DBH: variants seen among roughly 807,000 people sequenced by gnomAD.
The protein encoded by DBH is dopamine beta-hydroxylase (dopamine beta-monooxygenase).
A neutral mutation model predicts 64.0 loss-of-function variants in DBH; 49 were observed. That is an observed-to-expected ratio of 0.77 (90% CI 0.61 to 0.97). DBH has a LOEUF of 0.97. Ranked by LOEUF, DBH falls within the 50% of genes least tolerant of loss-of-function variation. The pLI is 0.00. For synonymous variants in DBH, 343 were observed against 347.1 expected, an observed-to-expected ratio of 0.99 and a Z score of 0.13; for missense variants, 828 against 826.6, an observed-to-expected ratio of 1.00 and a Z score of -0.02.
chr9:133,644,030 C>T lies in DBH; in HGVS notation c.922-188C>T, dbSNP rs79724977. Among the ~76,000 whole-genome samples, 938 of 152,274 alleles carry T rather than the reference C, an allele frequency of 6.2e-3. 10 individuals carry two copies. The highest frequency in any genetic ancestry group is 0.02 in the African/African-American group (845 of 41,554). On this transcript the variant is annotated intron_variant, in intron 4 of 11. Coordinates refer to ENST00000393056, the MANE Select transcript of DBH (RefSeq NM_000787.4). ...AGCTCCTCTCCCCAACTCCCTGACCCGAGTCTCACAGGATGTTCCTGGGGC... is the reference window on the plus strand; with the variant it reads ...AGCTCCTCTCCCCAACTCCCTGACCTGAGTCTCACAGGATGTTCCTGGGGC...
In DBH at chr9:133,657,222, G is replaced by A. The variant is rs779175184; in HGVS notation, c.1715G>A (p.Arg572His). ...SMHCNKSSAV[R>H]FQGEWNLQPL... ...CACTGCAACAAGTCCTCAGCCGTCC[G>A]CTTCCAGGTGCGCTGCCATGGGCCC... is the stretch of plus-strand genomic sequence containing the variant. The change falls in exon 11 of 12, where the codon CGC becomes CAC. Residue 572 changes from arginine to histidine, a missense_variant. By Grantham distance (29) the Arg-to-His change is conservative (BLOSUM62 0). Transcript: ENST00000393056. 16 of 1,613,688 alleles carry A rather than the reference G, an allele frequency of 9.9e-6. No homozygotes were observed. The highest frequency in any genetic ancestry group is 2.2e-5 in the East Asian group (1 of 44,894).
Position 133,642,358 on chromosome 9 carries a change from C to G in DBH, c.638C>G (p.Thr213Ser). ...CCGGAGTTGCCCTCAGACGCGTGCACCATGGAGGTCCAAGCTCCCAATATC... is the reference window on the plus strand; with the variant it reads ...CCGGAGTTGCCCTCAGACGCGTGCAGCATGGAGGTCCAAGCTCCCAATATC... Reference protein sequence around the residue: ...PEPELPSDACTMEVQAPNIQI... With the variant: ...PEPELPSDACSMEVQAPNIQI... Residue 213 changes from threonine (T) to serine (S), a missense_variant, in exon 3 of 12, where the codon ACC becomes AGC. Transcript: ENST00000393056. The G allele has an allele frequency of 6.2e-7, 1 of 1,614,148 alleles. No individual in the cohort carries two copies. Among genetic ancestry groups the G allele is most frequent in the Non-Finnish European group, 8.5e-7 (1 of 1,180,026 alleles).
intron 7 of DBH, 72 bp downstream of exon 7, chr9:133,651,849 T>C: frequency 4.2e-6 from 6 of 1,429,028 alleles, no homozygotes; most frequent in Middle Eastern, 2.4e-4. Context: ...GTCTACTGTT[T>C]CCTGACACCA....
chr9:133,639,270 G>GT (rs554195852), intron 1 of DBH, among the ~76,000 whole-genome samples: 180 of 151,302 alleles, frequency 1.2e-3, no homozygotes, highest in Non-Finnish European at 2.3e-3. Flanking sequence ...TATTTATAAA[G>GT]TAATAAAGCA....
intron 9 of DBH, chr9:133,656,271 C>T (rs571188780): frequency 6.1e-6 from 3 of 493,508 alleles, no homozygotes; most frequent in South Asian, 2.0e-5. Flanking sequence ...CCGCTTGTCC[C>T]GTTTCATTTT....
At chr9:133,648,281 A>C (rs1280545206) in intron 6 of DBH, among the ~76,000 whole-genome samples, 1 of 152,172 alleles carries the variant, frequency 6.6e-6, no homozygotes, top group Admixed American at 6.5e-5. Context: ...TGCATTTTAA[A>C]ATATGCCTTC....
chr9:133,651,624 G>T lies in DBH; in HGVS notation c.1192-10G>T. On this transcript the variant is annotated splice_polypyrimidine_tract_variant and intron_variant, in intron 6 of 11. Coordinates refer to ENST00000393056, the MANE Select transcript of DBH (RefSeq NM_000787.4). ...TCAGGCCCTGACACTGCAGCCCCCC[G>T]ACCCCACAGGCACTGCCTCCCTCCG... is the stretch of plus-strand genomic sequence containing the variant. The T allele has an allele frequency of 6.2e-7, 1 of 1,613,174 alleles. No individual in the cohort carries two copies. Among genetic ancestry groups the T allele is most frequent in the Middle Eastern group, 1.7e-4 (1 of 5,754 alleles).
chr9:133,642,750 C>T (rs1200934832), intron 3 of DBH, among the ~76,000 whole-genome samples: 2 of 152,232 alleles, frequency 1.3e-5, no homozygotes, highest in African/African-American at 4.8e-5. Context: ...ACTGGAACTG[C>T]TGTCTGTCTG....
rs767376908 is a variant in DBH, at chr9:133,652,950, T to C, written c.1385T>C (p.Leu462Pro). ...TTGGCTTTTCCTCAGGGAGATGTGCTCATCACCTCCTGCACGTACAACACA... is the reference window on the plus strand; with the variant it reads ...TTGGCTTTTCCTCAGGGAGATGTGCCCATCACCTCCTGCACGTACAACACA... ...KVVSVHPGDV[L>P]ITSCTYNTED... is the part of the protein sequence containing the mutation. The change falls in exon 9 of 12, where the codon CTC becomes CCC. Residue 462 changes from leucine (L) to proline (P), a missense_variant. Transcript: ENST00000393056. The C allele has an allele frequency of 2.0e-5, 32 of 1,613,318 alleles. No individual in the cohort carries two copies. The highest frequency in any genetic ancestry group is 2.7e-5 in the Non-Finnish European group (32 of 1,179,692).
At chr9:133,652,332 G>A (rs749109382) in intron 8 of DBH, 48 bp downstream of exon 8, 4 of 1,605,602 alleles carry the variant, frequency 2.5e-6, no homozygotes, top group Non-Finnish European at 2.6e-6. Context: ...ACCAGCTGGG[G>A]TGGCTGAGAG....
At position 133,642,238 on chromosome 9, in the gene DBH, T is replaced by C. The variant is rs907267270; in HGVS notation, c.518T>C (p.Leu173Pro). Residue 173 changes from leucine to proline, a missense_variant, in exon 3 of 12, where the codon CTG becomes CCG. Coordinates refer to ENST00000393056, the MANE Select transcript of DBH (RefSeq NM_000787.4). The stretch of plus-strand genomic sequence containing the variant: ...ACTGTCCACTTGGTCTACGGGATCC[T>C]GGAGGAGCCGTTCCGGTCACTGGAG... Reference protein sequence around the residue: ...DGTVHLVYGILEEPFRSLEAI... With the variant: ...DGTVHLVYGIPEEPFRSLEAI... 6.2e-7 allele frequency: 1 copy of C among 1,613,726 alleles called. No homozygotes were observed. Among genetic ancestry groups the C allele is most frequent in the Admixed American group, 1.7e-5 (1 of 60,026 alleles).
intron 5 of DBH, among the ~76,000 whole-genome samples, chr9:133,646,358 C>T (rs1832181393): frequency 6.6e-6 from 1 of 151,660 alleles, no homozygotes; most frequent in Non-Finnish European, 1.5e-5. Context: ...GTCCACCATG[C>T]ATCCGGGGGC....
In DBH at chr9:133,647,854, G is replaced by T. The variant is rs267606761; in HGVS notation, c.1033G>T (p.Asp345Tyr). ...ATCCCACCTTCTCCCAGGACGAAAC[G>T]ACTCCTCAGGCATCCGCTTGTACTA... Reference protein sequence around the residue: ...HNPLVIEGRNDSSGIRLYYTA... With the variant: ...HNPLVIEGRNYSSGIRLYYTA... Residue 345 changes from aspartate (D) to tyrosine (Y), a missense_variant, in exon 6 of 12, where the codon GAC (aspartate) becomes TAC (tyrosine). Coordinates refer to ENST00000393056, the MANE Select transcript of DBH (RefSeq NM_000787.4). 6.2e-7 allele frequency: 1 copy of T among 1,614,162 alleles called. No individual in the cohort carries two copies. Among genetic ancestry groups the T allele is most frequent in the South Asian group, 1.1e-5 (1 of 91,074 alleles).
At position 133,636,580 on chromosome 9, in the gene DBH, A is replaced by G. The variant is rs79634194; in HGVS notation, c.209A>G (p.Glu70Gly). The change falls in exon 1 of 12, where the codon GAG becomes GGG. Residue 70 changes from glutamate (E) to glycine (G), a missense_variant. By Grantham distance (98) the Glu-to-Gly change is moderately conservative. Coordinates refer to ENST00000393056, the MANE Select transcript of DBH (RefSeq NM_000787.4). ...TCATGGAATGTCAGCTACACCCAGG[A>G]GGCCATCCATTTCCAGCTCCTGGTG... Reference protein sequence around the residue: ...ELSWNVSYTQEAIHFQLLVRR... With the variant: ...ELSWNVSYTQGAIHFQLLVRR... 4.9e-5 allele frequency: 79 copies of G among 1,613,754 alleles called. 1 individual carries two copies. In the Admixed American group the frequency reaches 1.3e-3, roughly 27 times the overall value.
intron 6 of DBH, among the ~76,000 whole-genome samples, chr9:133,650,296 G>A (rs1156772860): frequency 6.6e-6 from 1 of 152,178 alleles, no homozygotes; most frequent in East Asian, 1.9e-4. Flanking sequence ...CTTCAGGGAT[G>A]GGGCTGTCGG....
At chr9:133,658,268 C>T (rs1400405234) in intron 11 of DBH, 48 bp from the exon 12 acceptor site, 3 of 1,610,410 alleles carry the variant, frequency 1.9e-6, no homozygotes, top group Non-Finnish European at 2.5e-6. Context: ...AGCAGCCACC[C>T]ATCTTGCCCC....
intron 5 of DBH, among the ~76,000 whole-genome samples, chr9:133,646,059 C>A (rs916839396): frequency 1.3e-5 from 2 of 152,198 alleles, no homozygotes; most frequent in African/African-American, 2.4e-5. Context: ...CAGCTCCCGG[C>A]TCCAAGTTTT....
chr9:133,640,101 G>A, intron 2 of DBH, 109 bp downstream of exon 2: 1 of 1,441,412 alleles, frequency 6.9e-7, no homozygotes, highest in Non-Finnish European at 9.6e-7. Context: ...CTGGGGCCTG[G>A]GCCTGGCCAG....
chr9:133,656,255 C>A, intron 9 of DBH: 1 of 456,694 alleles, frequency 2.2e-6, no homozygotes, highest in Non-Finnish European at 4.1e-6. Flanking sequence ...CACAATAACA[C>A]CCCATCCGCT....
Sources: allele counts gnomAD v4.1 joint callset (sites outside exome capture counted in the v4.1 genomes callset), GRCh38; gene constraint gnomAD v4.1.1; transcripts MANE v1.5; gene names NCBI Gene and HGNC (gene_info 2026-07-23, HGNC 2026-07-21).